NT5DC3: variants seen among roughly 807,000 people sequenced by gnomAD.
NT5DC3 encodes the protein 5'-nucleotidase domain-containing protein 3.
NT5DC3 carries 42 observed loss-of-function variants against 67.8 expected under a neutral mutation model. That is an observed-to-expected ratio of 0.62 (90% CI 0.48 to 0.80). The LOEUF is 0.80. Ranked by LOEUF, NT5DC3 falls within the 30% of genes least tolerant of loss-of-function variation. NT5DC3 has a pLI of 0.00. For missense variants in NT5DC3, 570 were observed against 696.4 expected (o/e 0.82, Z 2.04); for synonymous variants, 237 against 255.6 (o/e 0.93, Z 0.69).
At chr12:103,786,705 C>T (rs1454542682) in intron 11 of NT5DC3, among the ~76,000 whole-genome samples, 9 of 62,138 alleles carry the variant, frequency 1.4e-4, no homozygotes, top group Middle Eastern at 7.7e-3. Context: ...TTTTTTGAGG[C>T]AGGGTCTCAC....
chr12:103,759,570 A>G, the NT5DC3 span, among the ~76,000 whole-genome samples: 1 of 152,318 alleles, frequency 6.6e-6, no homozygotes, highest in Middle Eastern at 3.4e-3. Flanking sequence ...AGGCATTAAC[A>G]TGAGCTCCAA....
intron 6 of NT5DC3, among the ~76,000 whole-genome samples, chr12:103,796,561 T>A (rs1886324884): frequency 6.6e-6 from 1 of 151,558 alleles, no homozygotes; most frequent in Non-Finnish European, 1.5e-5. Flanking sequence ...TCGGGCAGAC[T>A]CATGGGTGAG....
chr12:103,764,143 G>A, the NT5DC3 span, among the ~76,000 whole-genome samples: 2 of 152,078 alleles, frequency 1.3e-5, 1 homozygote, highest in Non-Finnish European at 2.9e-5. Context: ...AATACAGACA[G>A]GGTTTCTCCA....
At chr12:103,748,940 C>T in the NT5DC3 span, 1 of 1,601,164 alleles carries the variant, frequency 6.2e-7, no homozygotes, top group Non-Finnish European at 8.5e-7. Context: ...GTAAGTTGAG[C>T]CCTCTCTCCT....
the NT5DC3 span, chr12:103,759,306 G>A: frequency 8.7e-6 from 14 of 1,606,924 alleles, 1 homozygote; most frequent in South Asian, 1.6e-4. Context: ...TGGGGGAACG[G>A]GAGATAATGC....
chr12:103,796,176 G>A (rs1886305205), intron 6 of NT5DC3, among the ~76,000 whole-genome samples: 1 of 152,246 alleles, frequency 6.6e-6, no homozygotes, highest in Non-Finnish European at 1.5e-5. Flanking sequence ...GGCAACTACA[G>A]TGGCACAGGC....
downstream of NT5DC3, among the ~76,000 whole-genome samples, chr12:103,769,720 T>C (rs1885139737): frequency 6.6e-6 from 1 of 152,250 alleles, no homozygotes; most frequent in South Asian, 2.1e-4. Context: ...GAAAGATATA[T>C]GGACTGAGCC....
the NT5DC3 span, chr12:103,755,832 G>C: frequency 4.2e-6 from 4 of 949,312 alleles, no homozygotes; most frequent in Non-Finnish European, 6.5e-6. Context: ...GAGCATGGGT[G>C]CTGGACCACC....
chr12:103,815,003 A>G lies in NT5DC3; in HGVS notation c.327T>C (p.Phe109=). The change falls in exon 2 of 14, where the codon TTT becomes TTC. Residue 109 remains phenylalanine, a synonymous_variant. Transcript: ENST00000392876. ...YGFDYDYTLV[F]YSKHLHTLIF... Reference sequence around the variant, plus strand: ...TCAGCGTGTGGAGGTGCTTTGAATAAAACACCAAGGTGTAATCATAATCGA... The same window carrying G: ...TCAGCGTGTGGAGGTGCTTTGAATAGAACACCAAGGTGTAATCATAATCGA... The G allele has an allele frequency of 6.2e-7, 1 of 1,613,888 alleles. No homozygotes were observed. Among genetic ancestry groups the G allele is most frequent in the Non-Finnish European group, 8.5e-7 (1 of 1,179,860 alleles).
intron 4 of NT5DC3, among the ~76,000 whole-genome samples, chr12:103,804,908 G>A (rs987721545): frequency 6.6e-5 from 10 of 152,114 alleles, no homozygotes; most frequent in South Asian, 2.1e-4. Flanking sequence ...AAAACTAGCC[G>A]GGCGTGGCGG....
intron 4 of NT5DC3, among the ~76,000 whole-genome samples, chr12:103,803,309 T>C (rs1886661025): frequency 6.6e-6 from 1 of 152,208 alleles, no homozygotes; most frequent in Non-Finnish European, 1.5e-5. Flanking sequence ...GTAAGTCTGT[T>C]GGGAATGGTA....
chr12:103,803,869 C>CA lies in NT5DC3; in HGVS notation c.524+2452dup, dbSNP rs58966670. ...GATTCATTCATTACCACCCCCCCCC[C>CA]AAAAAAATGTGTTGAGGGACTCCAA... On this transcript the variant is annotated intron_variant, in intron 4 of 13. Coordinates refer to ENST00000392876, the MANE Select transcript of NT5DC3 (RefSeq NM_001031701.3). Among the ~76,000 whole-genome samples the CA allele has an allele frequency of 9.8e-4, 97 of 98,494 alleles. 1 individual carries two copies. Among genetic ancestry groups the CA allele is most frequent in the African/African-American group, 3.4e-3 (95 of 28,066 alleles). 64.6% of individuals were successfully genotyped at this position (98,494 alleles called of 152,430 possible).
chr12:103,808,808 AC>A (rs1427588264), intron 2 of NT5DC3, among the ~76,000 whole-genome samples: 1 of 152,182 alleles, frequency 6.6e-6, no homozygotes, highest in Non-Finnish European at 1.5e-5. Flanking sequence ...TAAACTCATG[AC>A]TGATGGATAA....
At chr12:103,807,241 C>T (rs560731726) in intron 2 of NT5DC3, among the ~76,000 whole-genome samples, 11 of 152,314 alleles carry the variant, frequency 7.2e-5, no homozygotes, top group African/African-American at 2.6e-4. Flanking sequence ...CCCTAGACTC[C>T]CAGATCCCTA....
chr12:103,758,223 C>T, the NT5DC3 span: 1 of 1,614,182 alleles, frequency 6.2e-7, no homozygotes, highest in Non-Finnish European at 8.5e-7. Flanking sequence ...TTCTAGAACA[C>T]CTGACTGACC....
At chr12:103,803,764 T>C (rs1886678997) in intron 4 of NT5DC3, among the ~76,000 whole-genome samples, 1 of 152,074 alleles carries the variant, frequency 6.6e-6, no homozygotes, top group Non-Finnish European at 1.5e-5. Context: ...CTAAGGATAA[T>C]GGCCTCCAGC....
At chr12:103,829,025 C>G (rs550135040) in intron 1 of NT5DC3, among the ~76,000 whole-genome samples, 33 of 152,238 alleles carry the variant, frequency 2.2e-4, no homozygotes, top group African/African-American at 7.9e-4. Context: ...AGACTTTTAC[C>G]ACATACATGT....
the NT5DC3 span, among the ~76,000 whole-genome samples, chr12:103,751,976 G>A: frequency 6.6e-6 from 1 of 152,052 alleles, no homozygotes; most frequent in Non-Finnish European, 1.5e-5. Context: ...AGGAGGAAGC[G>A]CCTGCCCTCA....
chr12:103,799,059 G>A (rs1246286025), intron 4 of NT5DC3, among the ~76,000 whole-genome samples: 1 of 152,186 alleles, frequency 6.6e-6, no homozygotes, highest in East Asian at 1.9e-4. Flanking sequence ...ACCAAAGTAG[G>A]AAGTGGTAGG....
Sources: gnomAD v4.1 joint callset for allele counts (sites outside exome capture counted in the v4.1 genomes callset) on GRCh38, gnomAD v4.1.1 for gene constraint, MANE v1.5 for transcripts, NCBI Gene and HGNC (gene_info 2026-07-23, HGNC 2026-07-21) for gene names.